TTC27: variants seen among roughly 807,000 people sequenced by gnomAD.
TTC27 encodes the protein tetratricopeptide repeat protein 27.
Under a neutral mutation model 115.9 loss-of-function variants are expected in TTC27, and 79 were observed. That is an observed-to-expected ratio of 0.68 (90% CI 0.57 to 0.82). The LOEUF (loss-of-function observed/expected upper bound fraction) is 0.82, where lower values mean the gene tolerates loss of function less well. TTC27 is among the 40% of genes least tolerant of loss of function. The pLI is 0.00. For missense variants in TTC27, 1,054 were observed against 993.1 expected (o/e 1.06, Z -0.82); for synonymous variants, 401 against 356.0 (o/e 1.13, Z -1.42).
intron 5 of TTC27, among the ~76,000 whole-genome samples, chr2:32,663,533 A>G (rs1323196496): frequency 6.6e-6 from 1 of 152,050 alleles, no homozygotes; most frequent in African/African-American, 2.4e-5. Flanking sequence ...TGAGCCTGGT[A>G]CCTCAGTTGG....
At chr2:32,663,504 C>G (rs911892450) in intron 5 of TTC27, among the ~76,000 whole-genome samples, 14 of 151,020 alleles carry the variant, frequency 9.3e-5, no homozygotes, top group African/African-American at 3.4e-4. Flanking sequence ...CACCCACTGT[C>G]TAACCAGTCC....
intron 12 of TTC27, among the ~76,000 whole-genome samples, chr2:32,749,729 C>T (rs1455691297): frequency 1.3e-5 from 2 of 152,018 alleles, no homozygotes; most frequent in Non-Finnish European, 2.9e-5. Flanking sequence ...TTTGGGTGGC[C>T]AATTGACTAA....
intron 16 of TTC27, among the ~76,000 whole-genome samples, chr2:32,803,874 G>T (rs1223072456): frequency 6.6e-6 from 1 of 152,054 alleles, no homozygotes; most frequent in Admixed American, 6.6e-5. Flanking sequence ...AGGTGTGGTG[G>T]CATGCATCTG....
In TTC27 at chr2:32,812,606, CTTGCACATGGTATTTGA is replaced by C; in HGVS notation, c.2301_2308+9del. ...GGAAGTTGTTCAAAGAGCCTTAGGA[CTTGCACATGGTATTTGA>C]TGTAACATTTGATATCCATGGAATG... On this transcript the variant is annotated splice_donor_variant and splice_donor_5th_base_variant and coding_sequence_variant and intron_variant, in exon 18 of 20. Coordinates refer to ENST00000317907, the MANE Select transcript of TTC27 (RefSeq NM_017735.5). LOFTEE classifies it high-confidence loss of function. The C allele has an allele frequency of 1.9e-6, 3 of 1,610,752 alleles. No homozygotes were observed. The highest frequency in any genetic ancestry group is 2.5e-6 in the Non-Finnish European group (3 of 1,176,978).
chr2:32,680,283 CATATT>C (rs1037598489), intron 9 of TTC27, among the ~76,000 whole-genome samples: 2 of 152,086 alleles, frequency 1.3e-5, no homozygotes, highest in African/African-American at 4.8e-5. Flanking sequence ...ATATAAAAAA[CATATT>C]ATGTACTTTT....
chr2:32,634,589 T>A (rs1420832214), intron 3 of TTC27, among the ~76,000 whole-genome samples: 6 of 151,304 alleles, frequency 4.0e-5, no homozygotes, highest in Non-Finnish European at 8.8e-5. Context: ...TACATAAAGA[T>A]CTTTAATGGC....
At chr2:32,729,201 C>G (rs1309073189) in intron 10 of TTC27, among the ~76,000 whole-genome samples, 2 of 152,196 alleles carry the variant, frequency 1.3e-5, no homozygotes, top group East Asian at 3.8e-4. Context: ...TATCTCTATT[C>G]TTTTGAAAAC....
At chr2:32,787,255 C>T (rs1572613469) in intron 16 of TTC27, 106 bp downstream of exon 16, 2 of 1,253,352 alleles carry the variant, frequency 1.6e-6, no homozygotes, top group Non-Finnish European at 1.1e-6. Context: ...TTGTTAAACA[C>T]ATGTAACATA....
At chr2:32,685,184 C>G (rs896708127) in intron 9 of TTC27, among the ~76,000 whole-genome samples, 1 of 151,978 alleles carries the variant, frequency 6.6e-6, no homozygotes, top group Admixed American at 6.6e-5. Flanking sequence ...CACGCACCAC[C>G]ATGCCCAGCT....
chr2:32,634,494 G>A (rs1664337657), intron 3 of TTC27, among the ~76,000 whole-genome samples: 1 of 151,596 alleles, frequency 6.6e-6, no homozygotes, highest in African/African-American at 2.4e-5. Flanking sequence ...TTGCCATGTT[G>A]CCCAGGCTGG....
intron 2 of TTC27, 82 bp downstream of exon 2, chr2:32,630,782 A>T: frequency 7.6e-7 from 1 of 1,308,630 alleles, no homozygotes; most frequent in East Asian, 2.5e-5. Context: ...CCCTGATTTT[A>T]GCAGTTGAGA....
chr2:32,815,008 G>A (rs532323388), intron 18 of TTC27, among the ~76,000 whole-genome samples: 15 of 152,122 alleles, frequency 9.9e-5, no homozygotes, highest in Admixed American at 1.3e-4. Context: ...AAGATATTGC[G>A]ACCTTGACAT....
intron 9 of TTC27, among the ~76,000 whole-genome samples, chr2:32,680,088 T>A (rs1304298273): frequency 6.6e-6 from 1 of 152,202 alleles, no homozygotes; most frequent in Non-Finnish European, 1.5e-5. Context: ...CTGTTTGAAC[T>A]GGTTAGGTGT....
At chr2:32,706,554 C>T (rs1667374560) in intron 10 of TTC27, among the ~76,000 whole-genome samples, 1 of 152,232 alleles carries the variant, frequency 6.6e-6, no homozygotes, top group East Asian at 1.9e-4. Context: ...AATATCCATT[C>T]TCCCTGCTCC....
intron 16 of TTC27, among the ~76,000 whole-genome samples, chr2:32,789,490 T>C (rs1210467877): frequency 2.0e-5 from 3 of 152,068 alleles, no homozygotes. Context: ...AGTGGTATTA[T>C]AGATACCAAA....
intron 2 of TTC27, among the ~76,000 whole-genome samples, chr2:32,631,519 A>T (rs1664209548): frequency 6.6e-6 from 1 of 152,140 alleles, no homozygotes; most frequent in African/African-American, 2.4e-5. Flanking sequence ...CAGCAGGGAA[A>T]CCTAAGCTTT....
chr2:32,700,045 G>A (rs915405524), intron 9 of TTC27, among the ~76,000 whole-genome samples: 2 of 152,170 alleles, frequency 1.3e-5, no homozygotes, highest in Non-Finnish European at 2.9e-5. Context: ...ATTGTTGCTA[G>A]CAGAATGATC....
At chr2:32,632,354 G>C (rs1157425976) in intron 2 of TTC27, among the ~76,000 whole-genome samples, 1 of 151,944 alleles carries the variant, frequency 6.6e-6, no homozygotes, top group Non-Finnish European at 1.5e-5. Context: ...ATAGCAACTA[G>C]CCTTGTGGCA....
chr2:32,795,729 T>TATTATTATC (rs1670680080), intron 16 of TTC27, among the ~76,000 whole-genome samples: 1 of 136,856 alleles, frequency 7.3e-6, no homozygotes, highest in African/African-American at 3.1e-5. Flanking sequence ...ATTTTTGTAT[T>TATTATTATC]ATTATTATTA....
Sources: gnomAD v4.1 joint callset for allele counts (sites outside exome capture counted in the v4.1 genomes callset) on GRCh38, gnomAD v4.1.1 for gene constraint, MANE v1.5 for transcripts, NCBI Gene and HGNC (gene_info 2026-07-23, HGNC 2026-07-21) for gene names.